IL17RD: variants seen among roughly 807,000 people sequenced by gnomAD.
IL17RD encodes the protein interleukin-17 receptor D.
In IL17RD, 52 loss-of-function variants were observed where a neutral mutation model predicts 80.5. The observed-to-expected ratio is 0.65, with a 90% CI of 0.52 to 0.81. The LOEUF (loss-of-function observed/expected upper bound fraction) is 0.81. IL17RD is among the 40% of genes least tolerant of loss of function. The probability of loss-of-function intolerance (pLI) is 0.00; values close to 1 mark genes in which losing one functional copy is unlikely to be tolerated. For missense variants in IL17RD, 1,024 were observed against 955.1 expected, an observed-to-expected ratio of 1.07 and a Z score of -0.95; for synonymous variants, 416 against 391.8, an observed-to-expected ratio of 1.06 and a Z score of -0.73.
intron 1 of IL17RD, among the ~76,000 whole-genome samples, chr3:57,128,634 G>A (rs1707544788): frequency 6.6e-6 from 1 of 150,758 alleles, no homozygotes; most frequent in Admixed American, 6.7e-5. Flanking sequence ...GGTGTGAGTT[G>A]TTTCTCCGAC....
At chr3:57,119,815 C>T (rs543385670) in intron 2 of IL17RD, among the ~76,000 whole-genome samples, 28 of 152,308 alleles carry the variant, frequency 1.8e-4, no homozygotes, top group African/African-American at 6.3e-4. Flanking sequence ...AATTTGCTAC[C>T]TTCAGTGGGA....
At chr3:57,112,659 C>A (rs79855021) in intron 3 of IL17RD, among the ~76,000 whole-genome samples, 2,904 of 152,280 alleles carry the variant, frequency 0.019, 73 homozygotes, top group African/African-American at 0.065. Context: ...TGTTTTTAAT[C>A]TTTAAATGTT....
At position 57,128,443 on chromosome 3, in the gene IL17RD, G is replaced by A. The variant is rs79385923; in HGVS notation, c.127-8130C>T. On this transcript the variant is annotated intron_variant, in intron 1 of 12. Transcript: ENST00000296318. ...GACAATTGTTTCTGAGCTCTAACAT[G>A]AGGCCGACCCATGCCAAGTTACCAT... is the stretch of plus-strand genomic sequence containing the variant. Among the ~76,000 whole-genome samples, 1,273 of 152,234 alleles carry A rather than the reference G, an allele frequency of 8.4e-3. 70 individuals are homozygous for A. The East Asian group carries it at 0.16, about 19-fold the overall frequency.
At chr3:57,146,340 T>TA (rs1433456339) in intron 1 of IL17RD, among the ~76,000 whole-genome samples, 4 of 152,172 alleles carry the variant, frequency 2.6e-5, no homozygotes, top group African/African-American at 9.7e-5. Flanking sequence ...TTTCTAGACT[T>TA]AAAGGCACTA....
In IL17RD at chr3:57,124,622, G is replaced by A. The variant is rs556582555; in HGVS notation, c.127-4309C>T. Among the ~76,000 whole-genome samples the A allele has an allele frequency of 1.7e-3, 265 of 152,224 alleles. 1 individual carries two copies. Among genetic ancestry groups the A allele is most frequent in the Middle Eastern group, 0.01 (3 of 294 alleles). On this transcript the variant is annotated intron_variant, in intron 1 of 12. Transcript: ENST00000296318. Reference sequence around the variant, plus strand: ...CCTACAGCCTCCAGAAGGAGCCAGCGCAGCCAACACTTTGATTTTGGCCAC... The same window carrying A: ...CCTACAGCCTCCAGAAGGAGCCAGCACAGCCAACACTTTGATTTTGGCCAC...
At chr3:57,109,222 CA>C (rs1707036004) in intron 5 of IL17RD, among the ~76,000 whole-genome samples, 1 of 152,092 alleles carries the variant, frequency 6.6e-6, no homozygotes, top group Admixed American at 6.5e-5. Flanking sequence ...AATCTTGGCT[CA>C]CTGAAACCTC....
chr3:57,108,967 G>A (rs1198093131), intron 5 of IL17RD, among the ~76,000 whole-genome samples: 1 of 151,552 alleles, frequency 6.6e-6, no homozygotes, highest in Non-Finnish European at 1.5e-5. Context: ...TCTTAGCGGT[G>A]GTCACAGCAC....
At chr3:57,127,389 TAAATAA>T (rs1559477367) in intron 1 of IL17RD, among the ~76,000 whole-genome samples, 1 of 97,150 alleles carries the variant, frequency 1.0e-5, no homozygotes, top group Non-Finnish European at 1.9e-5. Context: ...AATAAATAAA[TAAATAA>T]ATATATATAT....
intron 1 of IL17RD, among the ~76,000 whole-genome samples, chr3:57,138,588 A>G (rs1707771802): frequency 6.6e-6 from 1 of 152,156 alleles, no homozygotes; most frequent in Non-Finnish European, 1.5e-5. Context: ...TTCAAAGGTG[A>G]CCTGCAGGCT....
chr3:57,165,419 G>A (rs1579331108), upstream of IL17RD: 3 of 702,114 alleles, frequency 4.3e-6, no homozygotes, highest in African/African-American at 1.9e-5. Context: ...TTGCCAGCCC[G>A]GGCCCCGCCC....
chr3:57,102,523 G>A lies in IL17RD; in HGVS notation c.935C>T (p.Ala312Val), dbSNP rs370817013. The A allele has an allele frequency of 6.3e-7, 1 of 1,580,858 alleles. No individual in the cohort carries two copies. Among genetic ancestry groups the A allele is most frequent in the Non-Finnish European group, 8.7e-7 (1 of 1,155,242 alleles). ...AITVPLVVIS[A>V]FATLFTVMCR... The stretch of plus-strand genomic sequence containing the variant: ...CATCACAGTGAAGAGCGTCGCGAAT[G>A]CCGATATGACTACCAGTGGCACTGT... Residue 312 changes from alanine (A) to valine (V), a missense_variant, in exon 10 of 13, where the codon GCA becomes GTA. Transcript: ENST00000296318.
rs755736483 is a variant in IL17RD at position 57,114,770 on chromosome 3, C to A, written c.232G>T (p.Ala78Ser). 6.2e-7 allele frequency: 1 copy of A among 1,611,612 alleles called. No individual in the cohort carries two copies. ...NPVGKHVIADAQNITISQYAC... is the reference protein window; with the variant it reads ...NPVGKHVIADSQNITISQYAC... ...TACTGGCTGATGGTGATATTCTGGG[C>A]GTCAGCAATCACATGCTTCCCCACT... The change falls in exon 3 of 13, where the codon GCC becomes TCC. Residue 78 changes from alanine (A) to serine (S), a missense_variant. By Grantham distance (99) the Ala-to-Ser change is moderately conservative (BLOSUM62 1). Transcript: ENST00000296318.
rs943281332 is a variant in IL17RD, at chr3:57,090,031, T to C, written c.*6362A>G. 1 of 152,650 alleles carries C rather than the reference T, an allele frequency of 6.6e-6. No homozygotes were observed. Among genetic ancestry groups the C allele is most frequent in the African/African-American group, 2.4e-5 (1 of 41,460 alleles). The allele number at this position is 152,650 out of a possible 1,614,324, so 9.5% of individuals were successfully genotyped here. Reference sequence around the variant, plus strand: ...GCAGAAATTCTAAGGTACAAAAACATTTTGTAAATGTCAGCTGTGATCTAC... The same window carrying C: ...GCAGAAATTCTAAGGTACAAAAACACTTTGTAAATGTCAGCTGTGATCTAC... On this transcript the variant is annotated 3_prime_UTR_variant, in exon 13 of 13. Coordinates refer to ENST00000296318, the MANE Select transcript of IL17RD (RefSeq NM_017563.5).
At chr3:57,146,026 C>A (rs1707918360) in intron 1 of IL17RD, among the ~76,000 whole-genome samples, 1 of 131,710 alleles carries the variant, frequency 7.6e-6, no homozygotes, top group South Asian at 2.4e-4. Context: ...CGCACACACA[C>A]ACTCACGCGC....
chr3:57,123,594 T>G (rs1707385804), intron 1 of IL17RD, among the ~76,000 whole-genome samples: 1 of 152,178 alleles, frequency 6.6e-6, no homozygotes, highest in Admixed American at 6.5e-5. Flanking sequence ...ATTCCCACAA[T>G]TTGAGTAGCA....
rs1263281687 is a variant in IL17RD, at chr3:57,091,291, A to T, written c.*5102T>A. On this transcript the variant is annotated 3_prime_UTR_variant, in exon 13 of 13. Coordinates refer to ENST00000296318, the MANE Select transcript of IL17RD (RefSeq NM_017563.5). Reference sequence around the variant, plus strand: ...ATCAGGAATAAGCACCAAGTGTTTGATCTCAGGAGGAAAACAAACACAAGT... The same window carrying T: ...ATCAGGAATAAGCACCAAGTGTTTGTTCTCAGGAGGAAAACAAACACAAGT... 2 of 152,662 alleles carry T rather than the reference A, an allele frequency of 1.3e-5. No homozygotes were observed. Among genetic ancestry groups the T allele is most frequent in the Non-Finnish European group, 2.9e-5 (2 of 68,054 alleles). The allele number at this position is 152,662 out of a possible 1,614,324, so 9.5% of individuals were successfully genotyped here.
chr3:57,150,586 G>GC (rs1440781009), intron 1 of IL17RD: 2 of 152,188 alleles, frequency 1.3e-5, no homozygotes, highest in African/African-American at 4.8e-5. Flanking sequence ...CAAAGGCTGG[G>GC]CAGTCAGGAC....
In IL17RD at chr3:57,164,371, A is replaced by T. The variant is rs532894002; in HGVS notation, c.126+790T>A. ...TGGCAATCACCCGCGCCCATCGCCC[A>T]GACAGTGTCAAAGGAGCGCTCGGTT... On this transcript the variant is annotated intron_variant, in intron 1 of 12. Coordinates refer to ENST00000296318, the MANE Select transcript of IL17RD (RefSeq NM_017563.5). 8.3e-4 allele frequency among the ~76,000 whole-genome samples: 127 copies of T among 152,308 alleles called. 2 individuals carry two copies. In the South Asian group the frequency reaches 0.022, roughly 26 times the overall value.
Position 57,097,602 on chromosome 3 carries a change from C to T in IL17RD, c.2101G>A (p.Gly701Ser), listed in dbSNP as rs533191655. 23 of 1,572,090 alleles carry T rather than the reference C, an allele frequency of 1.5e-5. No individual in the cohort carries two copies. The East Asian group carries it at 5.2e-4, about 35-fold the overall frequency. The change falls in exon 12 of 13, where the codon GGC becomes AGC. Residue 701 changes from glycine to serine, a missense_variant. Transcript: ENST00000296318. ...SLTESVSSSS[G>S]LGEEEPPALP... The stretch of plus-strand genomic sequence containing the variant: ...GGCCCCAAAGGCACCTTACCCAGGC[C>T]TGAAGAGGAGGACACGCTCTCCGTC...
Sources: gnomAD v4.1 joint callset for allele counts (sites outside exome capture counted in the v4.1 genomes callset) on GRCh38, gnomAD v4.1.1 for gene constraint, MANE v1.5 for transcripts, NCBI Gene and HGNC (gene_info 2026-07-23, HGNC 2026-07-21) for gene names.